The following GRM5 variants were observed in gnomAD, a reference collection of about 807,000 sequenced individuals.
GRM5 encodes the protein glutamate metabotropic receptor 5.
In GRM5, 19 loss-of-function variants were observed where a neutral mutation model predicts 83.1. That is an observed-to-expected ratio of 0.23 (90% CI 0.16 to 0.34). The LOEUF (loss-of-function observed/expected upper bound fraction) is 0.34, where lower values mean the gene tolerates loss of function less well. GRM5 is among the 10% of genes least tolerant of loss of function. GRM5 has a pLI of 1.00. For synonymous variants in GRM5, 675 were observed against 633.6 expected (o/e 1.07, Z -0.98); for missense variants, 1,160 against 1,588.3 (o/e 0.73, Z 4.58).
intron 4 of GRM5, among the ~76,000 whole-genome samples, chr11:88,633,317 TC>T (rs1939031300): frequency 6.6e-6 from 1 of 152,344 alleles, no homozygotes; most frequent in Admixed American, 6.5e-5. Flanking sequence ...CTGTGCCTTT[TC>T]TTTTCCATTC....
chr11:88,955,580 T>G (rs1938584463), intron 2 of GRM5, among the ~76,000 whole-genome samples: 1 of 152,208 alleles, frequency 6.6e-6, no homozygotes, highest in African/African-American at 2.4e-5. Context: ...TAAAATGCTT[T>G]TTTTCTATCT....
At chr11:88,976,516 A>T (rs1286604365) in intron 2 of GRM5, among the ~76,000 whole-genome samples, 1 of 148,716 alleles carries the variant, frequency 6.7e-6, no homozygotes, top group Admixed American at 6.8e-5. Flanking sequence ...AAGAAAATTT[A>T]AAAATCCAAG....
At chr11:88,918,014 C>G (rs1438453323) in intron 2 of GRM5, among the ~76,000 whole-genome samples, 1 of 151,792 alleles carries the variant, frequency 6.6e-6, no homozygotes. Context: ...CCAAATAAGA[C>G]TAACTCAGGA....
Position 88,664,765 on chromosome 11 carries a change from G to C in GRM5, c.912-11362C>G, listed in dbSNP as rs193225739. On this transcript the variant is annotated intron_variant, in intron 3 of 9. Coordinates refer to ENST00000305447, the MANE Select transcript of GRM5 (RefSeq NM_001143831.3). ...CCCAGCCTCACATAGCATTTTCATT[G>C]TATTAGGTATTATAAGTAATTTAGG... Among the ~76,000 whole-genome samples the C allele has an allele frequency of 2.0e-5, 3 of 152,076 alleles. No individual in the cohort carries two copies. The East Asian group carries it at 5.8e-4, about 29-fold the overall frequency.
chr11:89,000,979 C>CAAATTAA (rs143166148), intron 2 of GRM5, among the ~76,000 whole-genome samples: 64,628 of 150,970 alleles, frequency 0.43, 15,527 homozygotes, highest in South Asian at 0.65. Context: ...CAGGGAAATG[C>CAAATTAA]AAATTAAAAC....
chr11:88,999,645 G>A (rs1459859038), intron 2 of GRM5, among the ~76,000 whole-genome samples: 1 of 152,288 alleles, frequency 6.6e-6, no homozygotes, highest in African/African-American at 2.4e-5. Flanking sequence ...TGGTGGGACT[G>A]TAAACTAGTT....
chr11:88,701,668 C>T (rs1303754360), intron 3 of GRM5, among the ~76,000 whole-genome samples: 2 of 152,008 alleles, frequency 1.3e-5, no homozygotes, highest in Admixed American at 1.3e-4. Flanking sequence ...AGTCATAAAT[C>T]GATACATGGA....
chr11:88,551,761 G>T (rs1942514492), intron 8 of GRM5, among the ~76,000 whole-genome samples: 1 of 152,136 alleles, frequency 6.6e-6, no homozygotes, highest in African/African-American at 2.4e-5. Context: ...CAGGGTTATT[G>T]TAAGAAGTGA....
intron 8 of GRM5, among the ~76,000 whole-genome samples, chr11:88,532,888 T>C (rs1942046172): frequency 6.6e-6 from 1 of 152,180 alleles, no homozygotes. Flanking sequence ...CAGCATATAC[T>C]GCAGGCTCCA....
chr11:88,649,103 A>T (rs1939551971), intron 4 of GRM5, among the ~76,000 whole-genome samples: 1 of 143,960 alleles, frequency 6.9e-6, no homozygotes, highest in Admixed American at 7.2e-5. Context: ...TATATAATAT[A>T]TATTAAATAT....
chr11:89,005,994 G>T (rs1940513104), intron 2 of GRM5, among the ~76,000 whole-genome samples: 1 of 152,136 alleles, frequency 6.6e-6, no homozygotes, highest in African/African-American at 2.4e-5. Flanking sequence ...TATTAGCAAA[G>T]ACCGGAAGCA....
At chr11:88,740,373 G>A (rs547095736) in intron 3 of GRM5, among the ~76,000 whole-genome samples, 60 of 152,114 alleles carry the variant, frequency 3.9e-4, no homozygotes, top group African/African-American at 1.4e-3. Flanking sequence ...ACTCATGGAT[G>A]TTTGTTCAAC....
chr11:89,036,188 A>G lies in GRM5; in HGVS notation c.661+11024T>C, dbSNP rs544780154. The stretch of plus-strand genomic sequence containing the variant: ...CTCTGGAACTGTCCAGGCCTTGCTC[A>G]TCTTACCACAGCATAATGCCTCTCA... On this transcript the variant is annotated intron_variant, in intron 2 of 9. Transcript: ENST00000305447. Among the ~76,000 whole-genome samples, 13 of 152,180 alleles carry G rather than the reference A, an allele frequency of 8.5e-5. No individual in the cohort carries two copies. In the East Asian group the frequency reaches 2.5e-3, roughly 29 times the overall value.
intron 7 of GRM5, among the ~76,000 whole-genome samples, chr11:88,574,654 C>G (rs1382814185): frequency 1.3e-5 from 2 of 152,082 alleles, no homozygotes; most frequent in Non-Finnish European, 2.9e-5. Context: ...GTAGTCCCAG[C>G]TACTCAGGAG....
Position 88,560,930 on chromosome 11 carries a change from A to T in GRM5, c.2630+6123T>A, listed in dbSNP as rs141359308. Among the ~76,000 whole-genome samples the T allele has an allele frequency of 3.8e-3, 577 of 152,308 alleles. 3 individuals carry two copies. Among genetic ancestry groups the T allele is most frequent in the African/African-American group, 0.013 (560 of 41,556 alleles). ...ATGTGTGAAATATATGGAATACATA[A>T]TAAATGCTCCAAGAGTCCAGATGTG... On this transcript the variant is annotated intron_variant, in intron 8 of 9. Coordinates refer to ENST00000305447, the MANE Select transcript of GRM5 (RefSeq NM_001143831.3).
chr11:88,766,784 A>G (rs532812392), intron 3 of GRM5, among the ~76,000 whole-genome samples: 9 of 152,184 alleles, frequency 5.9e-5, no homozygotes, highest in African/African-American at 2.2e-4. Context: ...ATGGAAGAAA[A>G]TATTTGCAAA....
chr11:88,779,205 A>G (rs1449141244), intron 3 of GRM5, among the ~76,000 whole-genome samples: 1 of 152,198 alleles, frequency 6.6e-6, no homozygotes, highest in African/African-American at 2.4e-5. Context: ...TTCTGAACAC[A>G]TGAAGTTATT....
At chr11:88,955,800 TTCA>T (rs1938592918) in intron 2 of GRM5, among the ~76,000 whole-genome samples, 2 of 152,198 alleles carry the variant, frequency 1.3e-5, no homozygotes, top group South Asian at 2.1e-4. Flanking sequence ...CTCATCAGAA[TTCA>T]TCACTCCTTG....
At chr11:88,824,307 T>C (rs978978455) in intron 3 of GRM5, among the ~76,000 whole-genome samples, 5 of 152,118 alleles carry the variant, frequency 3.3e-5, no homozygotes, top group African/African-American at 9.7e-5. Context: ...ATATTAGCAG[T>C]CTTCGATGAA....
Sources: gnomAD v4.1 joint callset for allele counts (sites outside exome capture counted in the v4.1 genomes callset) on GRCh38, gnomAD v4.1.1 for gene constraint, MANE v1.5 for transcripts, NCBI Gene and HGNC (gene_info 2026-07-23, HGNC 2026-07-21) for gene names.